Variants in RPA3 observed in about 807,000 individuals in gnomAD.
RPA3 encodes replication protein A 14 kDa subunit.
RPA3 carries 24 observed loss-of-function variants against 13.7 expected under a neutral mutation model. That is an observed-to-expected ratio of 1.75 (90% CI 1.27 to 2.46). The LOEUF (loss-of-function observed/expected upper bound fraction) is 2.46. Among genes scored for constraint, RPA3 ranks in the 30% most tolerant of loss-of-function variants. RPA3 has a pLI of 0.00. For synonymous variants in RPA3, 59 were observed against 51.2 expected (o/e 1.15, Z -0.65); for missense variants, 183 against 151.0 (o/e 1.21, Z -1.11).
At chr7:7,688,448 T>G (rs905737000) in intron 2 of RPA3, among the ~76,000 whole-genome samples, 1 of 152,192 alleles carries the variant, frequency 6.6e-6, no homozygotes, top group Non-Finnish European at 1.5e-5. Context: ...TTTCACTGAT[T>G]ATCCGAATCC....
chr7:7,666,285 G>C (rs1730093649), intron 4 of RPA3, among the ~76,000 whole-genome samples: 1 of 151,860 alleles, frequency 6.6e-6, no homozygotes, highest in Admixed American at 6.6e-5. Context: ...CTCATTGCAT[G>C]CTCGACATCC....
At chr7:7,651,234 A>C (rs1785217092) in intron 4 of RPA3, among the ~76,000 whole-genome samples, 1 of 152,228 alleles carries the variant, frequency 6.6e-6, no homozygotes, top group African/African-American at 2.4e-5. Flanking sequence ...AGGATCTACA[A>C]ATCCACAAAA....
intron 1 of RPA3, among the ~76,000 whole-genome samples, chr7:7,716,228 G>T (rs1460980412): frequency 6.6e-6 from 1 of 152,078 alleles, no homozygotes; most frequent in African/African-American, 2.4e-5. Flanking sequence ...ATGTTGTATT[G>T]AATAACAGCT....
At chr7:7,664,300 C>T (rs1057121461) in intron 4 of RPA3, among the ~76,000 whole-genome samples, 3 of 152,236 alleles carry the variant, frequency 2.0e-5, no homozygotes, top group African/African-American at 2.4e-5. Flanking sequence ...AATCCAGTCC[C>T]GTTTCAGTAC....
intron 4 of RPA3, among the ~76,000 whole-genome samples, chr7:7,646,642 A>T (rs965518148): frequency 8.6e-5 from 13 of 151,898 alleles, no homozygotes; most frequent in African/African-American, 3.1e-4. Flanking sequence ...GGGTGTCTTT[A>T]TCAGCAGTAT....
At chr7:7,712,040 C>G (rs1409732757) in intron 2 of RPA3, among the ~76,000 whole-genome samples, 1 of 152,048 alleles carries the variant, frequency 6.6e-6, no homozygotes, top group Admixed American at 6.5e-5. Context: ...TCCAAGCTTA[C>G]TCTTACATAT....
intron 4 of RPA3, chr7:7,673,347 AG>A (rs1232729491): frequency 2.4e-6 from 3 of 1,276,284 alleles, no homozygotes; most frequent in Non-Finnish European, 3.3e-6. Flanking sequence ...CAGCAGCAGC[AG>A]CAGCAGCAGC....
intron 2 of RPA3, among the ~76,000 whole-genome samples, chr7:7,707,208 A>G (rs1472863877): frequency 1.3e-5 from 2 of 152,208 alleles, no homozygotes; most frequent in East Asian, 1.9e-4. Context: ...ACTGGTCTGT[A>G]CAGCAAAGAT....
At chr7:7,662,862 G>T (rs1013199298) in intron 4 of RPA3, among the ~76,000 whole-genome samples, 1 of 152,138 alleles carries the variant, frequency 6.6e-6, no homozygotes, top group Non-Finnish European at 1.5e-5. Flanking sequence ...TTAAAAGAAA[G>T]ATATAATGAT....
intron 1 of RPA3, among the ~76,000 whole-genome samples, chr7:7,716,147 G>A (rs907238031): frequency 6.6e-6 from 1 of 152,034 alleles, no homozygotes; most frequent in East Asian, 1.9e-4. Context: ...AGAGGAGGAG[G>A]AGATAAGAGC....
intron 2 of RPA3, among the ~76,000 whole-genome samples, chr7:7,703,061 G>C (rs922929474): frequency 6.6e-6 from 1 of 152,180 alleles, no homozygotes; most frequent in East Asian, 1.9e-4. Flanking sequence ...GTACTACACT[G>C]AGTTTACTGC....
chr7:7,681,359 C>A (rs1375182730), intron 4 of RPA3, among the ~76,000 whole-genome samples: 1 of 152,066 alleles, frequency 6.6e-6, no homozygotes, highest in Non-Finnish European at 1.5e-5. Context: ...ACTTGAAATT[C>A]AGGTCTGGGC....
intron 4 of RPA3, among the ~76,000 whole-genome samples, chr7:7,672,218 G>A (rs1023243975): frequency 1.3e-5 from 2 of 152,026 alleles, no homozygotes; most frequent in African/African-American, 4.8e-5. Flanking sequence ...TATTTTTTTG[G>A]CTTGTAAGGA....
At chr7:7,670,712 A>C (rs1583715991) in intron 4 of RPA3, among the ~76,000 whole-genome samples, 3 of 152,336 alleles carry the variant, frequency 2.0e-5, no homozygotes, top group Admixed American at 2.0e-4. Flanking sequence ...CATGAACTAA[A>C]AAGACAAGTA....
intron 4 of RPA3, among the ~76,000 whole-genome samples, chr7:7,645,796 T>G (rs1442566419): frequency 4.0e-5 from 6 of 149,444 alleles, no homozygotes; most frequent in African/African-American, 1.5e-4. Flanking sequence ...TGGATTTGAT[T>G]TGCTGTTGTT....
chr7:7,662,964 C>T (rs1011289031), intron 4 of RPA3, among the ~76,000 whole-genome samples: 13 of 151,924 alleles, frequency 8.6e-5, no homozygotes, highest in Admixed American at 7.2e-4. Context: ...TTAAAAAGTA[C>T]ATAATTTTCT....
intron 4 of RPA3, among the ~76,000 whole-genome samples, chr7:7,666,184 TTTTGTTTG>T (rs146878102): frequency 0.03 from 4,521 of 150,282 alleles, 117 homozygotes; most frequent in Admixed American, 0.044. Context: ...GGAAAGTGTT[TTTTGTTTG>T]TTTGTTTGTT....
chr7:7,705,223 G>T (rs1367684524), intron 2 of RPA3, among the ~76,000 whole-genome samples: 5 of 152,290 alleles, frequency 3.3e-5, no homozygotes, highest in Admixed American at 1.3e-4. Context: ...CTTCCAAGAT[G>T]ATTGTAACGA....
chr7:7,665,855 T>C (rs1779438738), intron 4 of RPA3, among the ~76,000 whole-genome samples: 1 of 152,078 alleles, frequency 6.6e-6, no homozygotes. Flanking sequence ...TTGCATGTTG[T>C]AGCATGTATC....
Sources: gnomAD v4.1 joint callset for allele counts (sites outside exome capture counted in the v4.1 genomes callset) on GRCh38, gnomAD v4.1.1 for gene constraint, MANE v1.5 for transcripts, NCBI Gene and HGNC (gene_info 2026-07-23, HGNC 2026-07-21) for gene names.